MLPH: variants seen among roughly 807,000 people sequenced by gnomAD.
MLPH encodes the protein exophilin-3.
MLPH carries 51 observed loss-of-function variants against 72.1 expected under a neutral mutation model. The ratio of observed to expected loss-of-function variants is 0.71; its 90% CI spans 0.56 to 0.89. The LOEUF is 0.89. Among genes scored for constraint, MLPH ranks in the 40% least tolerant of loss-of-function variants. MLPH has a pLI of 0.00. For synonymous variants in MLPH, 301 were observed against 310.1 expected, an observed-to-expected ratio of 0.97 and a Z score of 0.31; for missense variants, 743 against 759.9, an observed-to-expected ratio of 0.98 and a Z score of 0.26.
At chr2:237,552,583 A>G (rs943266078) in intron 15 of MLPH, 146 bp downstream of exon 15, 6 of 701,976 alleles carry the variant, frequency 8.5e-6, no homozygotes, top group African/African-American at 1.8e-5. Flanking sequence ...AAAGTAAAGT[A>G]AAATCTTTGC....
rs530990335 is a variant in MLPH, at chr2:237,505,146, G to A, written c.111-5428G>A. ...CCCGGTGGCCAGGTTGATGGGGTCT[G>A]GACTCCACACACTGTCCCCACCTCC... On this transcript the variant is annotated intron_variant, in intron 2 of 15. Transcript: ENST00000264605. This position sits in a 1 kb window ranked among gnomAD's most constrained non-coding sequence, Gnocchi z 4.5. Among the ~76,000 whole-genome samples, 104 of 152,288 alleles carry A rather than the reference G, an allele frequency of 6.8e-4. No individual in the cohort carries two copies. The highest frequency in any genetic ancestry group is 2.0e-3 in the African/African-American group (84 of 41,570).
intron 2 of MLPH, among the ~76,000 whole-genome samples, chr2:237,496,129 C>T (rs1328589374): frequency 6.6e-6 from 1 of 152,204 alleles, no homozygotes; most frequent in Non-Finnish European, 1.5e-5. Context: ...GTGGATCCTT[C>T]CCAGGTGCAT....
At chr2:237,533,690 G>T (rs190521701) in intron 8 of MLPH, among the ~76,000 whole-genome samples, 115 of 152,364 alleles carry the variant, frequency 7.5e-4, no homozygotes, top group African/African-American at 2.7e-3. Flanking sequence ...GCTGAGTGCT[G>T]TCTCCCCAGG....
chr2:237,553,366 G>C, intron 15 of MLPH, 200 bp from the exon 16 acceptor site: 1 of 659,472 alleles, frequency 1.5e-6, no homozygotes, highest in South Asian at 1.7e-5. Context: ...AGCACGAATT[G>C]GCCTTAGGTT....
At chr2:237,490,408 G>A (rs1283916093) in intron 1 of MLPH, among the ~76,000 whole-genome samples, 1 of 152,190 alleles carries the variant, frequency 6.6e-6, no homozygotes, top group East Asian at 1.9e-4. Context: ...CTAGGACATT[G>A]GTTGTGATGC....
intron 9 of MLPH, among the ~76,000 whole-genome samples, chr2:237,538,455 A>C (rs1186460939): frequency 6.6e-6 from 1 of 152,194 alleles, no homozygotes; most frequent in Non-Finnish European, 1.5e-5. Context: ...TGAGGGGAGG[A>C]AAGCCTTCTG....
chr2:237,553,525 A>T (rs1440848098), intron 15 of MLPH, 41 bp from the exon 16 acceptor site: 2 of 1,597,132 alleles, frequency 1.3e-6, no homozygotes, highest in Admixed American at 1.7e-5. Context: ...ATGCCTGTGT[A>T]TGTGTGTGCT....
At chr2:237,537,597 CG>C (rs1283644569) in intron 9 of MLPH, 2 of 152,232 alleles carry the variant, frequency 1.3e-5, no homozygotes, top group Admixed American at 1.3e-4. Flanking sequence ...GGCTAAAACA[CG>C]CGGCTTCTTC....
At chr2:237,537,507 T>A (rs2080561223) in intron 9 of MLPH, 1 of 152,198 alleles carries the variant, frequency 6.6e-6, no homozygotes, top group African/African-American at 2.4e-5. Flanking sequence ...AGGCTGAACG[T>A]CATTCCCGAT....
chr2:237,534,778 G>A (rs2080498510), intron 9 of MLPH, 131 bp downstream of exon 9: 4 of 772,674 alleles, frequency 5.2e-6, no homozygotes, highest in South Asian at 2.9e-5. Flanking sequence ...AGTTCTGTGT[G>A]TAGTTCTCAG....
chr2:237,501,131 A>G (rs1204406983), intron 2 of MLPH, among the ~76,000 whole-genome samples: 2 of 151,962 alleles, frequency 1.3e-5, no homozygotes, highest in African/African-American at 4.8e-5. Flanking sequence ...CCAGTGAGTC[A>G]TTTCCTTGTT....
intron 12 of MLPH, chr2:237,545,891 C>T (rs2080908693): frequency 5.0e-6 from 1 of 198,662 alleles, no homozygotes; most frequent in Non-Finnish European, 1.0e-5. Flanking sequence ...CTTGTGAACA[C>T]AAAATATCTG....
chr2:237,540,243 G>A (rs980096681), intron 9 of MLPH, 105 bp from the exon 10 acceptor site: 20 of 1,295,194 alleles, frequency 1.5e-5, no homozygotes, highest in Non-Finnish European at 2.2e-5. Flanking sequence ...AGCTCAGCAG[G>A]AACCCCAGGT....
intron 8 of MLPH, among the ~76,000 whole-genome samples, chr2:237,533,777 G>A (rs976956171): frequency 2.0e-5 from 3 of 152,252 alleles, no homozygotes; most frequent in Non-Finnish European, 2.9e-5. Context: ...CAAGGCGTGG[G>A]CCGAGGTCTA....
chr2:237,545,200 TGG>T (rs201073337), intron 12 of MLPH, among the ~76,000 whole-genome samples: 744 of 12,626 alleles, frequency 0.059, 45 homozygotes, highest in African/African-American at 0.072. Context: ...CAGTGGTGAG[TGG>T]GGACAGTGGT....
chr2:237,536,246 C>T (rs116776922), intron 9 of MLPH, among the ~76,000 whole-genome samples: 9 of 151,876 alleles, frequency 5.9e-5, no homozygotes, highest in East Asian at 1.9e-4. Flanking sequence ...CCGGCCGGAG[C>T]GGAGAGAGAC....
chr2:237,515,387 GACAGTCAGC>G (rs958778290), intron 4 of MLPH, among the ~76,000 whole-genome samples: 1 of 152,142 alleles, frequency 6.6e-6, no homozygotes, highest in African/African-American at 2.4e-5. Context: ...CCCACTTGGG[GACAGTCAGC>G]ACAGCCAGTC....
At position 237,553,575 on chromosome 2, in the gene MLPH, G is replaced by A; in HGVS notation, c.1786G>A (p.Val596Met). ...TGTTTGTACTTTACAGAAACCTGTG[G>A]TGGCCCACCAGTCCTAACGGGACAG... ...MASHTFAKPVVAHQS is the reference protein window; with the variant it reads ...MASHTFAKPVMAHQS The change falls in exon 16 of 16, where the codon GTG becomes ATG. Residue 596 changes from valine to methionine, a missense_variant. Val to Met is a conservative substitution (Grantham distance 21). Coordinates refer to ENST00000264605, the MANE Select transcript of MLPH (RefSeq NM_024101.7). 1 of 1,614,190 alleles carries A rather than the reference G, an allele frequency of 6.2e-7. No individual in the cohort carries two copies.
chr2:237,495,278 C>T lies in MLPH; in HGVS notation c.110+1742C>T, dbSNP rs188346381. Among the ~76,000 whole-genome samples the T allele has an allele frequency of 1.3e-3, 197 of 152,350 alleles. 3 individuals carry two copies. Among genetic ancestry groups the T allele is most frequent in the Non-Finnish European group, 4.4e-5 (3 of 68,030 alleles). ...AGGACCCTCTTCCCATCTCAGGATC[C>T]TTAATGTCATTCCATCGGCAAAGTC... On this transcript the variant is annotated intron_variant, in intron 2 of 15. Coordinates refer to ENST00000264605, the MANE Select transcript of MLPH (RefSeq NM_024101.7).
Sources: gnomAD v4.1 joint callset for allele counts (sites outside exome capture counted in the v4.1 genomes callset) on GRCh38, gnomAD v4.1.1 for gene constraint, Gnocchi (gnomAD v3.1) non-coding constraint, MANE v1.5 for transcripts, NCBI Gene and HGNC (gene_info 2026-07-23, HGNC 2026-07-21) for gene names.